CSMD1: variants seen among roughly 807,000 people sequenced by gnomAD.
The protein encoded by CSMD1 is CUB and Sushi multiple domains 1.
Under a neutral mutation model 417.5 loss-of-function variants are expected in CSMD1, and 213 were observed. The observed-to-expected ratio is 0.51, with a 90% CI of 0.46 to 0.57. CSMD1 has a LOEUF of 0.57. Ranked by LOEUF, CSMD1 falls within the 20% of genes least tolerant of loss-of-function variation. The probability of loss-of-function intolerance (pLI) is 0.00; values close to 1 mark genes in which losing one functional copy is unlikely to be tolerated. For synonymous variants in CSMD1, 2,862 were observed against 1,736.8 expected, an observed-to-expected ratio of 1.65 and a Z score of -16.11; for missense variants, 6,923 against 4,529.7, an observed-to-expected ratio of 1.53 and a Z score of -15.17.
intron 3 of CSMD1, among the ~76,000 whole-genome samples, chr8:4,179,511 G>C (rs1248234112): frequency 6.7e-6 from 1 of 150,368 alleles, no homozygotes; most frequent in Non-Finnish European, 1.5e-5. Flanking sequence ...TCAGGACGTA[G>C]GCATGGGCAA....
chr8:3,744,860 C>T, intron 6 of CSMD1, among the ~76,000 whole-genome samples: 1 of 152,126 alleles, frequency 6.6e-6, no homozygotes, highest in East Asian at 1.9e-4. Context: ...AAATGCTCAT[C>T]ACAGATAGAG....
At chr8:3,877,844 G>C (rs375289899) in intron 5 of CSMD1, among the ~76,000 whole-genome samples, 1 of 152,078 alleles carries the variant, frequency 6.6e-6, no homozygotes, top group Non-Finnish European at 1.5e-5. Context: ...CTTAAATTTT[G>C]TCTAATAATG....
chr8:4,580,320 T>C (rs1799351989), intron 2 of CSMD1, among the ~76,000 whole-genome samples: 1 of 152,200 alleles, frequency 6.6e-6, no homozygotes. Flanking sequence ...GGAAGGTACA[T>C]GAAAGACATG....
At chr8:4,472,626 A>G (rs1227428286) in intron 2 of CSMD1, among the ~76,000 whole-genome samples, 1 of 152,094 alleles carries the variant, frequency 6.6e-6, no homozygotes, top group African/African-American at 2.4e-5. Context: ...TCTGCAAACA[A>G]TAAGAAAAAT....
intron 3 of CSMD1, among the ~76,000 whole-genome samples, chr8:4,079,331 C>T (rs1177246395): frequency 6.6e-6 from 1 of 152,148 alleles, no homozygotes; most frequent in Non-Finnish European, 1.5e-5. Flanking sequence ...GTCTGCATCC[C>T]TTGGAACGAA....
At chr8:4,081,878 G>C (rs572259390) in intron 3 of CSMD1, among the ~76,000 whole-genome samples, 26 of 152,132 alleles carry the variant, frequency 1.7e-4, no homozygotes, top group Non-Finnish European at 3.7e-4. Context: ...ATATCAAAAT[G>C]TGTTGGATTT....
intron 7 of CSMD1, chr8:3,700,762 G>C (rs778529375): frequency 6.6e-6 from 1 of 152,270 alleles, no homozygotes; most frequent in Non-Finnish European, 1.5e-5. Context: ...TCAAGAAACA[G>C]CCCAGAAACC....
chr8:4,023,394 A>G (rs987882157), intron 4 of CSMD1, among the ~76,000 whole-genome samples: 1 of 152,188 alleles, frequency 6.6e-6, no homozygotes, highest in African/African-American at 2.4e-5. Context: ...ATGTGAAACA[A>G]AAGTAATTCC....
chr8:4,252,957 C>T (rs1014601009), intron 3 of CSMD1, among the ~76,000 whole-genome samples: 2 of 152,166 alleles, frequency 1.3e-5, no homozygotes, highest in Non-Finnish European at 2.9e-5. Flanking sequence ...TTAGACTGCA[C>T]TTTTCATGAC....
At chr8:3,797,986 T>C (rs1164928894) in intron 5 of CSMD1, among the ~76,000 whole-genome samples, 1 of 152,040 alleles carries the variant, frequency 6.6e-6, no homozygotes, top group African/African-American at 2.4e-5. Context: ...GGTTTCAACG[T>C]GCATTTCCTT....
intron 10 of CSMD1, among the ~76,000 whole-genome samples, chr8:3,571,799 G>A (rs925577525): frequency 6.6e-6 from 1 of 152,126 alleles, no homozygotes; most frequent in African/African-American, 2.4e-5. Flanking sequence ...TGTCTGCTCT[G>A]TTTCAGACCT....
At chr8:4,681,539 C>T (rs909330382) in intron 1 of CSMD1, among the ~76,000 whole-genome samples, 2 of 152,124 alleles carry the variant, frequency 1.3e-5, no homozygotes, top group East Asian at 1.9e-4. Context: ...TTGTTGTTTA[C>T]GCCAATGTTA....
chr8:4,832,063 C>G (rs1800187819), intron 1 of CSMD1, among the ~76,000 whole-genome samples: 1 of 152,188 alleles, frequency 6.6e-6, no homozygotes. Context: ...AAACCAGAAC[C>G]AACCAAAGCT....
rs149446450 is a variant in CSMD1 at position 4,268,438 on chromosome 8, C to T, written c.415+151515G>A. ...GTGACCAATTGTTGTTTATAGCTCA[C>T]AGCAAGTCTGAGGTACTGAAAGGTA... On this transcript the variant is annotated intron_variant, in intron 3 of 69. Coordinates refer to ENST00000635120, the MANE Select transcript of CSMD1 (RefSeq NM_033225.6). 4.6e-5 allele frequency among the ~76,000 whole-genome samples: 7 copies of T among 152,272 alleles called. No individual in the cohort carries two copies. In the East Asian group the frequency reaches 1.2e-3, roughly 25 times the overall value.
Position 2,935,564 on chromosome 8 carries a change from TAC to T in CSMD1, c.*3019_*3020del, listed in dbSNP as rs1801396759. On this transcript the variant is annotated 3_prime_UTR_variant, in exon 70 of 70. Transcript: ENST00000635120. Reference sequence around the variant, plus strand: ...GTACATTTTACATTATTGGGAAAATTACAGTTCTGTATTGTAAAAACATTTAT... The same window carrying T: ...GTACATTTTACATTATTGGGAAAATTAGTTCTGTATTGTAAAAACATTTAT... 1.3e-5 allele frequency: 2 copies of T among 152,190 alleles called. No individual in the cohort carries two copies. The highest frequency in any genetic ancestry group is 4.1e-4 in the South Asian group (2 of 4,834). The allele number at this position is 152,190 out of a possible 1,614,324, so 9.4% of individuals were successfully genotyped here. A position where few individuals can be genotyped will look rare whatever the true frequency, so the allele number is the denominator to read the frequency against.
intron 3 of CSMD1, among the ~76,000 whole-genome samples, chr8:4,129,415 A>G (rs867563143): frequency 1.3e-5 from 2 of 152,078 alleles, no homozygotes; most frequent in African/African-American, 2.4e-5. Flanking sequence ...TTTCTTGGCT[A>G]ATTTCCTCTT....
chr8:4,002,700 C>G (rs1228625605), intron 4 of CSMD1, among the ~76,000 whole-genome samples: 1 of 152,112 alleles, frequency 6.6e-6, no homozygotes. Flanking sequence ...GTGTGGAGTG[C>G]TACAAGGACC....
intron 26 of CSMD1, among the ~76,000 whole-genome samples, chr8:3,239,097 T>A (rs996957092): frequency 6.6e-6 from 1 of 152,170 alleles, no homozygotes; most frequent in Non-Finnish European, 1.5e-5. Context: ...CAGACCTGAA[T>A]TCTGAGAAGG....
At chr8:3,488,784 T>C (rs1030360771) in intron 11 of CSMD1, among the ~76,000 whole-genome samples, 4 of 152,208 alleles carry the variant, frequency 2.6e-5, no homozygotes, top group Admixed American at 6.5e-5. Context: ...AGTCTGTCTA[T>C]ACTGTCACTG....
Sources: allele counts gnomAD v4.1 joint callset (sites outside exome capture counted in the v4.1 genomes callset), GRCh38; gene constraint gnomAD v4.1.1; transcripts MANE v1.5; gene names NCBI Gene and HGNC (gene_info 2026-07-23, HGNC 2026-07-21).